Variants in RPH3AL observed in about 807,000 individuals in gnomAD.
The protein encoded by RPH3AL is rabphilin 3A like (without C2 domains), also known as rab effector Noc2.
RPH3AL carries 38 observed loss-of-function variants against 43.1 expected under a neutral mutation model. The observed-to-expected ratio is 0.88, with a 90% CI of 0.68 to 1.15. RPH3AL has a LOEUF of 1.15. RPH3AL is among the 50% of genes most tolerant of loss of function. The pLI, the probability that RPH3AL is intolerant of heterozygous loss-of-function variation, is 0.00. For synonymous variants in RPH3AL, 189 were observed against 176.3 expected (o/e 1.07, Z -0.57); for missense variants, 462 against 423.2 (o/e 1.09, Z -0.81).
At chr17:238,697 G>C (rs576856228) in intron 7 of RPH3AL, among the ~76,000 whole-genome samples, 1 of 152,092 alleles carries the variant, frequency 6.6e-6, no homozygotes, top group Non-Finnish European at 1.5e-5. Flanking sequence ...GTACTCTTTC[G>C]CTACTCAAGT....
intron 5 of RPH3AL, among the ~76,000 whole-genome samples, chr17:315,441 C>A (rs1555519954): frequency 0.021 from 79 of 3,760 alleles, no homozygotes; most frequent in South Asian, 0.05. Context: ...AGTCCCTGTG[C>A]CTCACCTCCA....
intron 7 of RPH3AL, among the ~76,000 whole-genome samples, chr17:223,097 G>A (rs1414896677): frequency 6.6e-6 from 1 of 152,028 alleles, no homozygotes; most frequent in Non-Finnish European, 1.5e-5. Flanking sequence ...GGCTGAGGCA[G>A]GAGAATCACT....
chr17:328,706 T>TATTTACAATGGATTATG lies in RPH3AL; in HGVS notation c.-36-1144_-36-1128dup, dbSNP rs1345368972. On this transcript the variant is annotated intron_variant, in intron 2 of 9. Coordinates refer to ENST00000331302, the MANE Select transcript of RPH3AL (RefSeq NM_006987.4). The surrounding 1 kb of genome is among the most constrained non-coding windows in gnomAD (Gnocchi z 4.2). ...TGTGCTATATCCATACGATGATTATTATTTACAATGGATTATGATTTACAA... is the reference window on the plus strand; with the variant it reads ...TGTGCTATATCCATACGATGATTATTATTTACAATGGATTATGATTTACAATGGATTATGATTTACAA... Among the ~76,000 whole-genome samples, 5 of 152,046 alleles carry TATTTACAATGGATTATG rather than the reference T, an allele frequency of 3.3e-5. No individual in the cohort carries two copies. Among genetic ancestry groups the TATTTACAATGGATTATG allele is most frequent in the Non-Finnish European group, 7.3e-5 (5 of 68,036 alleles).
chr17:300,635 A>G (rs1232180929), intron 5 of RPH3AL, among the ~76,000 whole-genome samples: 8 of 99,488 alleles, frequency 8.0e-5, no homozygotes, highest in Admixed American at 2.2e-4. Context: ...TCTCTCACCC[A>G]CTCTAGAAGG....
chr17:247,621 G>A (rs1281684900), intron 6 of RPH3AL: 1 of 293,196 alleles, frequency 3.4e-6, no homozygotes, highest in Admixed American at 4.6e-5. Context: ...CAGCAGCTGG[G>A]ACTACTGTAC....
At position 264,977 on chromosome 17, in the gene RPH3AL, TAACAA is replaced by T. The variant is rs1173995236; in HGVS notation, c.438+16786_438+16790del. Among the ~76,000 whole-genome samples, 6 of 152,188 alleles carry T rather than the reference TAACAA, an allele frequency of 3.9e-5. No individual in the cohort carries two copies. On this transcript the variant is annotated intron_variant, in intron 6 of 9. Coordinates refer to ENST00000331302, the MANE Select transcript of RPH3AL (RefSeq NM_006987.4). This position sits in a 1 kb window ranked among gnomAD's most constrained non-coding sequence, Gnocchi z 4.8. Reference sequence around the variant, plus strand: ...TGAAAGTAGATATAAAAGAATCAGTTAACAAAACAAATCTGACCCAAAATTCCAGA... The same window carrying T: ...TGAAAGTAGATATAAAAGAATCAGTTAACAAATCTGACCCAAAATTCCAGA...
intron 6 of RPH3AL, among the ~76,000 whole-genome samples, chr17:276,910 C>A (rs10871511): frequency 0.61 from 93,024 of 151,972 alleles, 29,636 homozygotes; most frequent in Non-Finnish European, 0.7. Context: ...GTAAAGTGGT[C>A]TTTTTTGTAT....
At chr17:244,173 TTCCCTTCCTC>T (rs1555538648) in intron 7 of RPH3AL, among the ~76,000 whole-genome samples, 24 of 151,574 alleles carry the variant, frequency 1.6e-4, no homozygotes, top group Admixed American at 5.2e-4. Context: ...CCTCTATTGA[TTCCCTTCCTC>T]TATTGATTAC....
chr17:219,169 T>C (rs1300913175), intron 8 of RPH3AL, among the ~76,000 whole-genome samples: 1 of 139,124 alleles, frequency 7.2e-6, no homozygotes, highest in African/African-American at 2.7e-5. Flanking sequence ...ACTCTGTCCC[T>C]GGGGCTTTGG....
At chr17:316,355 G>GA in intron 5 of RPH3AL, among the ~76,000 whole-genome samples, 1 of 125,408 alleles carries the variant, frequency 8.0e-6, no homozygotes, top group South Asian at 2.8e-4. Flanking sequence ...TAGTCTCTGT[G>GA]CTCCACCTCC....
chr17:292,179 C>T (rs571689208), intron 5 of RPH3AL, among the ~76,000 whole-genome samples: 66 of 152,274 alleles, frequency 4.3e-4, no homozygotes, highest in Non-Finnish European at 6.6e-4. Flanking sequence ...ATGGTGTCCC[C>T]GGGTCACCGG....
intron 8 of RPH3AL, among the ~76,000 whole-genome samples, 156 bp downstream of exon 8, chr17:219,467 G>A (rs538019440): frequency 4.0e-5 from 6 of 149,980 alleles, no homozygotes; most frequent in Non-Finnish European, 7.4e-5. Flanking sequence ...AAAGTGCTGG[G>A]ATTACAGACA....
chr17:234,224 T>TTC (rs1163515267), intron 7 of RPH3AL, among the ~76,000 whole-genome samples: 3 of 58,180 alleles, frequency 5.2e-5, no homozygotes, highest in African/African-American at 9.3e-5. Context: ...CTGACCAACT[T>TTC]CCCTGAGCAG....
rs954079528 is a variant in RPH3AL at position 213,163 on chromosome 17, A to G, written c.*689T>C. 6.5e-6 allele frequency: 1 copy of G among 152,920 alleles called. No homozygotes were observed. Among genetic ancestry groups the G allele is most frequent in the African/African-American group, 2.4e-5 (1 of 41,474 alleles). 9.5% of individuals were successfully genotyped at this position (152,920 alleles called of 1,614,324 possible). ...CACCTACTCAGGAGGCTGAGGTGAG[A>G]GAATCGCTTGAGCCCGGGAGGTGGA... On this transcript the variant is annotated 3_prime_UTR_variant, in exon 10 of 10. Transcript: ENST00000331302.
Position 246,996 on chromosome 17 carries a change from A to G in RPH3AL, c.613+115T>C, listed in dbSNP as rs1036485240. On this transcript the variant is annotated intron_variant, in intron 7 of 9. Transcript: ENST00000331302. The surrounding 1 kb of genome is among the most constrained non-coding windows in gnomAD (Gnocchi z 4.8). ...GGCACAGGGAGGGACGCATCACCAG[A>G]ATGAGCCTCGTGGATGGAGGGTGCG... is the stretch of plus-strand genomic sequence containing the variant. 8.0e-5 allele frequency: 91 copies of G among 1,134,442 alleles called. No homozygotes were observed. Among genetic ancestry groups the G allele is most frequent in the Non-Finnish European group, 1.1e-4 (86 of 764,966 alleles). 70.3% of individuals were successfully genotyped at this position (1,134,442 alleles called of 1,614,324 possible). A position where few individuals can be genotyped will look rare whatever the true frequency, so the allele number is the denominator to read the frequency against.
chr17:245,407 G>A lies in RPH3AL; in HGVS notation c.613+1704C>T, dbSNP rs956578016. ...AGTGTGTGTGTGGATATCAGTGTGT[G>A]TGTGTGCATGGTGATGTGTGTGTAG... On this transcript the variant is annotated intron_variant, in intron 7 of 9. Coordinates refer to ENST00000331302, the MANE Select transcript of RPH3AL (RefSeq NM_006987.4). This position sits in a 1 kb window ranked among gnomAD's most constrained non-coding sequence, Gnocchi z 5.9. Among the ~76,000 whole-genome samples the A allele has an allele frequency of 3.3e-5, 5 of 151,076 alleles. No individual in the cohort carries two copies. The highest frequency in any genetic ancestry group is 5.9e-5 in the Non-Finnish European group (4 of 67,802).
At chr17:224,126 C>G (rs551011413) in intron 7 of RPH3AL, among the ~76,000 whole-genome samples, 42 of 152,360 alleles carry the variant, frequency 2.8e-4, no homozygotes, top group Middle Eastern at 3.4e-3. Flanking sequence ...GTGTCAGCTC[C>G]TCCAACCTGG....
intron 5 of RPH3AL, among the ~76,000 whole-genome samples, chr17:297,024 C>T (rs2043199799): frequency 6.6e-6 from 1 of 152,188 alleles, no homozygotes; most frequent in African/African-American, 2.4e-5. Context: ...AATCAACATG[C>T]ATCCATAGCC....
At chr17:273,259 G>A (rs201558308) in intron 6 of RPH3AL, among the ~76,000 whole-genome samples, 6 of 71,884 alleles carry the variant, frequency 8.3e-5, no homozygotes, top group African/African-American at 3.1e-4. Flanking sequence ...AGACCCCAGC[G>A]AGGGTGACGT....
Sources: gnomAD v4.1 joint callset for allele counts (sites outside exome capture counted in the v4.1 genomes callset) on GRCh38, gnomAD v4.1.1 for gene constraint, Gnocchi (gnomAD v3.1) non-coding constraint, MANE v1.5 for transcripts, NCBI Gene and HGNC (gene_info 2026-07-23, HGNC 2026-07-21) for gene names.